The following GNL2 variants were observed in gnomAD, a reference collection of about 807,000 sequenced individuals.
GNL2 encodes G protein nucleolar 2.
A neutral mutation model predicts 92.3 loss-of-function variants in GNL2; 51 were observed. The observed-to-expected ratio is 0.55, with a 90% CI of 0.44 to 0.70. The LOEUF is 0.70. GNL2 is among the 30% of genes least tolerant of loss of function. The pLI, the probability that GNL2 is intolerant of heterozygous loss-of-function variation, is 0.00. For synonymous variants in GNL2, 283 were observed against 300.6 expected (o/e 0.94, Z 0.61); for missense variants, 844 against 895.6 (o/e 0.94, Z 0.74).
chr1:37,566,833 T>C lies in GNL2; in HGVS notation c.*22A>G. The C allele has an allele frequency of 6.2e-7, 1 of 1,607,826 alleles. No individual in the cohort carries two copies. Among genetic ancestry groups the C allele is most frequent in the African/African-American group, 1.3e-5 (1 of 74,710 alleles). On this transcript the variant is annotated 3_prime_UTR_variant, in exon 16 of 16. Transcript: ENST00000373062. ...TTTCTAACTGCCTGTTTTTGTATAA[T>C]TTAATAAAAACCTTTTAAACATTAC... is the stretch of plus-strand genomic sequence containing the variant.
At chr1:37,571,309 T>C (rs1266737000) in intron 12 of GNL2, among the ~76,000 whole-genome samples, 1 of 152,190 alleles carries the variant, frequency 6.6e-6, no homozygotes, top group African/African-American at 2.4e-5. Flanking sequence ...ACTGTCCCTA[T>C]AGATAGGATT....
At chr1:37,582,683 A>C (rs569270717) in intron 7 of GNL2, 95 bp downstream of exon 7, 59 of 1,045,642 alleles carry the variant, frequency 5.6e-5, no homozygotes, top group Non-Finnish European at 7.6e-5. Context: ...CCATTACTAC[A>C]ATCTCAGCCG....
Position 37,590,734 on chromosome 1 carries a change from G to A in GNL2, c.356C>T (p.Ser119Phe). The A allele has an allele frequency of 6.2e-7, 1 of 1,613,372 alleles. No individual in the cohort carries two copies. Among genetic ancestry groups the A allele is most frequent in the East Asian group, 2.2e-5 (1 of 44,876 alleles). ...AGGCCGGATTCGATCATGGAGAAGA[G>A]ACATTGGTAACTTGCTTTGCTTCAT... ...VVMKQSKLPM[S>F]LLHDRIRPHN... The change falls in exon 4 of 16, where the codon TCT becomes TTT. Residue 119 changes from serine (S) to phenylalanine (F), a missense_variant. Coordinates refer to ENST00000373062, the MANE Select transcript of GNL2 (RefSeq NM_013285.3).
Position 37,591,531 on chromosome 1 carries a change from A to G in GNL2, c.245-686T>C, listed in dbSNP as rs1570074142. Among the ~76,000 whole-genome samples, 5 of 126,760 alleles carry G rather than the reference A, an allele frequency of 3.9e-5. No homozygotes were observed. The South Asian group carries it at 7.4e-4, about 19-fold the overall frequency. 83.2% of individuals were successfully genotyped at this position (126,760 alleles called of 152,430 possible). On this transcript the variant is annotated intron_variant, in intron 3 of 15. Transcript: ENST00000373062. ...TTTTTTTTTTTTTTTTTTGAGATGGAGTCTCACTCTGTCACCCAGGCTGGA... is the reference window on the plus strand; with the variant it reads ...TTTTTTTTTTTTTTTTTTGAGATGGGGTCTCACTCTGTCACCCAGGCTGGA...
At chr1:37,582,026 T>C (rs954746113) in intron 8 of GNL2, among the ~76,000 whole-genome samples, 197 bp downstream of exon 8, 1 of 152,050 alleles carries the variant, frequency 6.6e-6, no homozygotes, top group African/African-American at 2.4e-5. Context: ...AGTGGTGCCA[T>C]CATAGCTCAC....
chr1:37,587,906 A>G (rs1407322757), intron 4 of GNL2, among the ~76,000 whole-genome samples: 1 of 152,228 alleles, frequency 6.6e-6, no homozygotes, highest in Non-Finnish European at 1.5e-5. Flanking sequence ...CGCCAAATTC[A>G]TAGATTTTGT....
intron 1 of GNL2, among the ~76,000 whole-genome samples, chr1:37,594,726 A>C (rs946140633): frequency 3.3e-5 from 5 of 152,128 alleles, no homozygotes; most frequent in African/African-American, 9.7e-5. Flanking sequence ...ATTTTTGTAG[A>C]GAGGGGGTTT....
chr1:37,585,657 A>G (rs772172604), intron 5 of GNL2, among the ~76,000 whole-genome samples: 7 of 152,234 alleles, frequency 4.6e-5, no homozygotes, highest in Non-Finnish European at 8.8e-5. Flanking sequence ...AAAGCCAACG[A>G]AAGTTCAAAT....
chr1:37,582,309 C>A lies in GNL2; in HGVS notation c.823G>T (p.Asp275Tyr). The A allele has an allele frequency of 6.2e-7, 1 of 1,612,590 alleles. No individual in the cohort carries two copies. The highest frequency in any genetic ancestry group is 2.2e-5 in the East Asian group (1 of 44,802). The stretch of plus-strand genomic sequence containing the variant: ...GCATGGAAAGCAAGTGTTGGATAAT[C>A]CTGGGAGAGGACAGCAACCCACCGT... ...TKRWVAVLSQ[D>Y]YPTLAFHASL... The change falls in exon 8 of 16, where the codon GAT becomes TAT. Residue 275 changes from aspartate (D) to tyrosine (Y), a missense_variant. By Grantham distance (160) the Asp-to-Tyr change is radical (BLOSUM62 -3). Coordinates refer to ENST00000373062, the MANE Select transcript of GNL2 (RefSeq NM_013285.3).
chr1:37,588,304 C>T (rs1343721151), intron 4 of GNL2, among the ~76,000 whole-genome samples: 3 of 152,024 alleles, frequency 2.0e-5, no homozygotes, highest in Non-Finnish European at 1.5e-5. Context: ...CCCTTTTCCC[C>T]CTAGTACAAG....
chr1:37,590,009 T>G lies in GNL2; in HGVS notation c.384+697A>C, dbSNP rs6686892. On this transcript the variant is annotated intron_variant, in intron 4 of 15. Coordinates refer to ENST00000373062, the MANE Select transcript of GNL2 (RefSeq NM_013285.3). ...TAATATTACTAATAGCTGTTATCAATTTAGCTCTTATTAGGTGGTGTGCTA... is the reference window on the plus strand; with the variant it reads ...TAATATTACTAATAGCTGTTATCAAGTTAGCTCTTATTAGGTGGTGTGCTA... Among the ~76,000 whole-genome samples, 666 of 152,366 alleles carry G rather than the reference T, an allele frequency of 4.4e-3. 2 individuals are homozygous for G. Among genetic ancestry groups the G allele is most frequent in the African/African-American group, 0.016 (645 of 41,578 alleles).
intron 8 of GNL2, among the ~76,000 whole-genome samples, chr1:37,577,679 A>C (rs1230436253): frequency 6.6e-6 from 1 of 152,216 alleles, no homozygotes; most frequent in East Asian, 1.9e-4. Context: ...AATGAATCAC[A>C]GAGATTCATT....
chr1:37,577,220 A>C (rs1405169358), intron 8 of GNL2, among the ~76,000 whole-genome samples: 1 of 152,202 alleles, frequency 6.6e-6, no homozygotes, highest in Non-Finnish European at 1.5e-5. Flanking sequence ...CAGGTTCATC[A>C]ACTGGACAAT....
At chr1:37,570,034 G>C (rs1156997686) in intron 12 of GNL2, 1 of 152,222 alleles carries the variant, frequency 6.6e-6, no homozygotes, top group Non-Finnish European at 1.5e-5. Flanking sequence ...ATGTGGAACT[G>C]TGAGTCCATT....
At chr1:37,580,992 G>C (rs1331209687) in intron 8 of GNL2, among the ~76,000 whole-genome samples, 2 of 151,876 alleles carry the variant, frequency 1.3e-5, no homozygotes, top group African/African-American at 4.8e-5. Context: ...TCCTTTCCAA[G>C]TTAAAACAAC....
At chr1:37,581,346 CA>C in intron 8 of GNL2, 1 of 456,084 alleles carries the variant, frequency 2.2e-6, no homozygotes. Flanking sequence ...AGGTACAGAA[CA>C]TGAAGCTTTA....
chr1:37,567,825 G>T (rs990990838), intron 14 of GNL2, 61 bp from the exon 15 acceptor site: 28 of 1,285,174 alleles, frequency 2.2e-5, no homozygotes, highest in Non-Finnish European at 2.6e-5. Flanking sequence ...TAAACCCAAC[G>T]GTGGGAACAA....
chr1:37,581,737 T>G (rs1266573835), intron 8 of GNL2, among the ~76,000 whole-genome samples: 5 of 152,224 alleles, frequency 3.3e-5, no homozygotes, highest in African/African-American at 1.2e-4. Flanking sequence ...CAATCTCGGC[T>G]CACGGCAAAC....
At chr1:37,584,554 C>G (rs1209611803) in intron 5 of GNL2, among the ~76,000 whole-genome samples, 3 of 150,980 alleles carry the variant, frequency 2.0e-5, no homozygotes, top group East Asian at 2.0e-4. Context: ...AAGCCAGACA[C>G]AAAAGGACAA....
Sources: gnomAD v4.1 joint callset for allele counts (sites outside exome capture counted in the v4.1 genomes callset) on GRCh38, gnomAD v4.1.1 for gene constraint, MANE v1.5 for transcripts, NCBI Gene and HGNC (gene_info 2026-07-23, HGNC 2026-07-21) for gene names.